DOCK8: variants seen among roughly 807,000 people sequenced by gnomAD.
DOCK8 encodes the protein dedicator of cytokinesis protein 8.
Under a neutral mutation model 245.6 loss-of-function variants are expected in DOCK8, and 141 were observed. That is an observed-to-expected ratio of 0.57 (90% CI 0.50 to 0.66). The LOEUF is 0.66. Ranked by LOEUF, DOCK8 falls within the 30% of genes least tolerant of loss-of-function variation. The pLI is 0.00. For synonymous variants in DOCK8, 1,168 were observed against 970.2 expected, an observed-to-expected ratio of 1.20 and a Z score of -3.79; for missense variants, 2,965 against 2,603.4, an observed-to-expected ratio of 1.14 and a Z score of -3.02.
chr9:378,938 A>G (rs1280551504), intron 20 of DOCK8, among the ~76,000 whole-genome samples: 1 of 152,172 alleles, frequency 6.6e-6, no homozygotes, highest in East Asian at 1.9e-4. Flanking sequence ...ACTCAGTTTC[A>G]CTTGAGCCCT....
At chr9:348,567 T>C (rs1015870804) in intron 14 of DOCK8, among the ~76,000 whole-genome samples, 1 of 152,142 alleles carries the variant, frequency 6.6e-6, no homozygotes, top group Non-Finnish European at 1.5e-5. Flanking sequence ...GTTGCCCTGG[T>C]TGGTGGAGGC....
At chr9:430,669 CAAA>C (rs60963121) in intron 36 of DOCK8, among the ~76,000 whole-genome samples, 6 of 137,154 alleles carry the variant, frequency 4.4e-5, no homozygotes, top group Admixed American at 7.1e-5. Flanking sequence ...GACCCTGTCT[CAAA>C]AAAAAAAAAA....
At chr9:405,889 A>T (rs1208108457) in intron 27 of DOCK8, among the ~76,000 whole-genome samples, 1 of 152,184 alleles carries the variant, frequency 6.6e-6, no homozygotes, top group African/African-American at 2.4e-5. Flanking sequence ...AAAATGTATA[A>T]ACTTTTTGCT....
rs1254948034 is a variant in DOCK8 at position 332,857 on chromosome 9, TGTGTTGCCCA to T, written c.1125+381_1125+390del. Among the ~76,000 whole-genome samples, 17 of 152,102 alleles carry T rather than the reference TGTGTTGCCCA, an allele frequency of 1.1e-4. 1 individual carries two copies. The highest frequency in any genetic ancestry group is 3.4e-3 in the Middle Eastern group (1 of 294). ...TTTTTTTTTAGAGATGGGGTCTCAC[TGTGTTGCCCA>T]GGCTGCTCTCATAATTCTGGCCTCA... On this transcript the variant is annotated intron_variant, in intron 10 of 47. Transcript: ENST00000432829.
At chr9:402,289 C>T (rs879869677) in intron 26 of DOCK8, among the ~76,000 whole-genome samples, 20 of 151,780 alleles carry the variant, frequency 1.3e-4, no homozygotes, top group Non-Finnish European at 2.6e-4. Context: ...TTTTGTTTCT[C>T]TCCTTGACTC....
intron 14 of DOCK8, among the ~76,000 whole-genome samples, chr9:344,183 G>A (rs897619959): frequency 6.6e-6 from 1 of 152,190 alleles, no homozygotes; most frequent in Non-Finnish European, 1.5e-5. Flanking sequence ...TGACAGAAGA[G>A]ATTTCTCTCC....
chr9:324,360 C>G (rs1024999417), intron 7 of DOCK8, among the ~76,000 whole-genome samples: 15 of 152,128 alleles, frequency 9.9e-5, no homozygotes, highest in African/African-American at 3.6e-4. Flanking sequence ...GACATGATGT[C>G]TGAGGTAATG....
chr9:403,895 TATATATATATATATATATATAC>T lies in DOCK8; in HGVS notation c.3235-1010_3235-989del, dbSNP rs2055243014. On this transcript the variant is annotated intron_variant, in intron 26 of 47. Transcript: ENST00000432829. ...CTCTCTCTCTCTCTCTCTCTCTCTA[TATATATATATATATATATATAC>T]ATATATATATATGTGTATATATATA... Among the ~76,000 whole-genome samples, 4 of 63,464 alleles carry T rather than the reference TATATATATATATATATATATAC, an allele frequency of 6.3e-5. 1 individual carries two copies. Among genetic ancestry groups the T allele is most frequent in the African/African-American group, 4.5e-4 (4 of 8,830 alleles). 41.6% of individuals were successfully genotyped at this position (63,464 alleles called of 152,430 possible). A position where few individuals can be genotyped will look rare whatever the true frequency, so the allele number is the denominator to read the frequency against.
At chr9:265,837 A>T (rs1444889275) in intron 1 of DOCK8, among the ~76,000 whole-genome samples, 1 of 152,126 alleles carries the variant, frequency 6.6e-6, no homozygotes, top group Non-Finnish European at 1.5e-5. Context: ...GATGCTCAGG[A>T]CTATACAGCC....
chr9:405,227 A>G (rs2055357576), intron 27 of DOCK8, 154 bp downstream of exon 27: 3 of 744,202 alleles, frequency 4.0e-6, no homozygotes, highest in South Asian at 1.8e-5. Context: ...CTGAAGTTAC[A>G]CCACTAGCTA....
intron 40 of DOCK8, among the ~76,000 whole-genome samples, chr9:440,798 A>G (rs11790178): frequency 0.54 from 82,408 of 152,038 alleles, 22,940 homozygotes; most frequent in Non-Finnish European, 0.63. Flanking sequence ...GAGTGCAGTG[A>G]TGCAGCCTTG....
At chr9:325,208 A>G (rs753300578) in intron 7 of DOCK8, among the ~76,000 whole-genome samples, 3 of 152,076 alleles carry the variant, frequency 2.0e-5, no homozygotes, top group Non-Finnish European at 4.4e-5. Context: ...TTCTTTATCT[A>G]CTCATTGGTT....
At chr9:305,291 T>C (rs1442015026) in intron 5 of DOCK8, among the ~76,000 whole-genome samples, 3 of 152,058 alleles carry the variant, frequency 2.0e-5, no homozygotes, top group African/African-American at 4.8e-5. Flanking sequence ...TTTTCTTTTT[T>C]TTTTTTGTTG....
chr9:266,139 C>T (rs2048029871), intron 1 of DOCK8, among the ~76,000 whole-genome samples: 1 of 152,168 alleles, frequency 6.6e-6, no homozygotes, highest in Non-Finnish European at 1.5e-5. Flanking sequence ...TTCTCAAAAT[C>T]TGGCTCAGAA....
At chr9:230,078 CG>C (rs1398542830) in intron 1 of DOCK8, among the ~76,000 whole-genome samples, 1 of 137,406 alleles carries the variant, frequency 7.3e-6, no homozygotes, top group Non-Finnish European at 1.5e-5. Context: ...CAACAGTCCC[CG>C]GTGTGTGATA....
rs113355195 is a variant in DOCK8 at position 317,155 on chromosome 9, C to T, written c.827+27C>T. 951 of 1,516,998 alleles carry T rather than the reference C, an allele frequency of 6.3e-4. 5 individuals are homozygous for T. The African/African-American group carries it at 0.012, about 18-fold the overall frequency. 94.0% of individuals were successfully genotyped at this position (1,516,998 alleles called of 1,614,324 possible). A position where few individuals can be genotyped will look rare whatever the true frequency, so the allele number is the denominator to read the frequency against. ...TAAGTATCAACAAACACACTGCCACCGCTTTGAGATTTATCTTGCCTTTTA... is the reference window on the plus strand; with the variant it reads ...TAAGTATCAACAAACACACTGCCACTGCTTTGAGATTTATCTTGCCTTTTA... On this transcript the variant is annotated intron_variant, in intron 7 of 47. Coordinates refer to ENST00000432829, the MANE Select transcript of DOCK8 (RefSeq NM_203447.4).
In DOCK8 at chr9:328,176, T is replaced by C. The variant is rs756531163; in HGVS notation, c.1044+5T>C. 1.9e-6 allele frequency: 3 copies of C among 1,612,618 alleles called. No homozygotes were observed. ...GACATCTACCTGGTAGTCAAGGTAA[T>C]TCAGTACGATCTGATTTGCCCAATC... On this transcript the variant is annotated splice_donor_5th_base_variant and intron_variant, in intron 9 of 47. Transcript: ENST00000432829.
chr9:433,068 C>T (rs998705521), intron 37 of DOCK8, among the ~76,000 whole-genome samples: 6 of 152,242 alleles, frequency 3.9e-5, no homozygotes, highest in East Asian at 1.9e-4. Flanking sequence ...TTTGCCCTCT[C>T]GGGCAATGTT....
intron 14 of DOCK8, among the ~76,000 whole-genome samples, chr9:344,272 A>G (rs2130957305): frequency 6.6e-6 from 1 of 152,326 alleles, no homozygotes; most frequent in African/African-American, 2.4e-5. Flanking sequence ...AGTCTATTTA[A>G]GGAAAGAGAG....
Sources: allele counts gnomAD v4.1 joint callset (sites outside exome capture counted in the v4.1 genomes callset), GRCh38; gene constraint gnomAD v4.1.1; transcripts MANE v1.5; gene names NCBI Gene and HGNC (gene_info 2026-07-23, HGNC 2026-07-21).